RGS7: variants seen among roughly 807,000 people sequenced by gnomAD.
RGS7 encodes the protein regulator of G protein signaling 7.
Under a neutral mutation model 81.1 loss-of-function variants are expected in RGS7, and 27 were observed. That is an observed-to-expected ratio of 0.33 (90% CI 0.25 to 0.46). The LOEUF is 0.46. Among genes scored for constraint, RGS7 ranks in the 20% least tolerant of loss-of-function variants. The probability of loss-of-function intolerance (pLI) is 1.00; values close to 1 mark genes in which losing one functional copy is unlikely to be tolerated. For missense variants in RGS7, 396 were observed against 607.4 expected (o/e 0.65, Z 3.66); for synonymous variants, 208 against 207.7 (o/e 1.00, Z -0.01).
chr1:241,062,705 C>T (rs1199109818), intron 3 of RGS7, among the ~76,000 whole-genome samples: 1 of 152,072 alleles, frequency 6.6e-6, no homozygotes, highest in Non-Finnish European at 1.5e-5. Context: ...TCTTTGCTTC[C>T]CTATAAATAC....
At chr1:240,786,183 A>C (rs1685033200) in intron 18 of RGS7, among the ~76,000 whole-genome samples, 1 of 152,198 alleles carries the variant, frequency 6.6e-6, no homozygotes, top group Non-Finnish European at 1.5e-5. Flanking sequence ...AAATGAAGAA[A>C]ACATAGAAAA....
At chr1:241,030,427 T>C (rs2060026051) in intron 3 of RGS7, among the ~76,000 whole-genome samples, 1 of 138,460 alleles carries the variant, frequency 7.2e-6, no homozygotes, top group African/African-American at 2.7e-5. Context: ...TTATAAAATA[T>C]ATAAATATAT....
chr1:241,014,286 T>G (rs1354472874), intron 3 of RGS7, among the ~76,000 whole-genome samples: 2 of 152,320 alleles, frequency 1.3e-5, no homozygotes, highest in South Asian at 2.1e-4. Context: ...AATCATCTCC[T>G]TCATTGGATG....
intron 4 of RGS7, among the ~76,000 whole-genome samples, chr1:240,959,914 C>A (rs1333200874): frequency 1.3e-5 from 2 of 152,132 alleles, no homozygotes; most frequent in African/African-American, 4.8e-5. Flanking sequence ...AATCCCAGCA[C>A]TTTGGGAGGC....
chr1:241,071,245 T>C (rs1294097381), intron 3 of RGS7, among the ~76,000 whole-genome samples: 1 of 152,194 alleles, frequency 6.6e-6, no homozygotes, highest in Admixed American at 6.5e-5. Context: ...CTGGGTATTT[T>C]GGGATTCATG....
At chr1:241,183,821 G>A (rs1448920648) in intron 2 of RGS7, among the ~76,000 whole-genome samples, 2 of 152,130 alleles carry the variant, frequency 1.3e-5, no homozygotes, top group African/African-American at 2.4e-5. Context: ...GGAGAGAGGG[G>A]TATTCCCTCT....
chr1:241,354,009 C>T (rs1363222778), intron 2 of RGS7, among the ~76,000 whole-genome samples: 1 of 152,038 alleles, frequency 6.6e-6, no homozygotes, highest in Admixed American at 6.5e-5. Context: ...TATTAGGTGT[C>T]CAATCTACTC....
In RGS7 at chr1:241,337,620, C is replaced by T. The variant is rs566164820; in HGVS notation, c.78+18079G>A. ...CCTCTTGGCTCCATCTCACTAAATG[C>T]ACGGTTTCCAAAGTATTTATTGCAC... On this transcript the variant is annotated intron_variant, in intron 2 of 18. Transcript: ENST00000440928. 5.3e-5 allele frequency among the ~76,000 whole-genome samples: 8 copies of T among 152,256 alleles called. No homozygotes were observed. In the South Asian group the frequency reaches 1.4e-3, roughly 28 times the overall value.
At chr1:241,213,228 C>G (rs1029948119) in intron 2 of RGS7, among the ~76,000 whole-genome samples, 1 of 152,090 alleles carries the variant, frequency 6.6e-6, no homozygotes, top group Non-Finnish European at 1.5e-5. Flanking sequence ...CATGACTGAC[C>G]GTAAATCTCA....
intron 3 of RGS7, among the ~76,000 whole-genome samples, chr1:241,097,002 T>C (rs2064300913): frequency 6.6e-6 from 1 of 152,042 alleles, no homozygotes; most frequent in Non-Finnish European, 1.5e-5. Context: ...ATATGCGTGT[T>C]TAGATGTGGA....
chr1:241,084,470 G>C (rs1487284827), intron 3 of RGS7, among the ~76,000 whole-genome samples: 1 of 152,102 alleles, frequency 6.6e-6, no homozygotes, highest in African/African-American at 2.4e-5. Context: ...ACTAATTAGG[G>C]CTTCCTTTGT....
intron 17 of RGS7, 55 bp from the exon 18 acceptor site, chr1:240,800,776 G>T (rs1293388622): frequency 9.4e-7 from 1 of 1,067,268 alleles, no homozygotes; most frequent in Non-Finnish European, 1.4e-6. Context: ...ATGTCAGAAA[G>T]TTCCAAAGGC....
intron 2 of RGS7, among the ~76,000 whole-genome samples, chr1:241,343,457 C>A (rs2082698904): frequency 6.6e-6 from 1 of 152,026 alleles, no homozygotes; most frequent in African/African-American, 2.4e-5. Flanking sequence ...AAACAAAATG[C>A]AGTAAATACA....
chr1:241,195,381 C>T (rs1384128941), intron 2 of RGS7, among the ~76,000 whole-genome samples: 5 of 152,038 alleles, frequency 3.3e-5, no homozygotes, highest in Admixed American at 2.0e-4. Flanking sequence ...GAAGCTGAGG[C>T]AGAAGAATCA....
intron 2 of RGS7, among the ~76,000 whole-genome samples, chr1:241,320,770 TTA>T (rs1371059317): frequency 6.6e-6 from 1 of 152,206 alleles, no homozygotes; most frequent in Non-Finnish European, 1.5e-5. Flanking sequence ...TGCAGTAGTG[TTA>T]TTAAGTGCAG....
intron 6 of RGS7, among the ~76,000 whole-genome samples, chr1:240,873,244 T>C (rs1664806843): frequency 1.3e-5 from 2 of 152,162 alleles, no homozygotes; most frequent in South Asian, 4.1e-4. Flanking sequence ...ACCCCGAATA[T>C]TTCCTGCTGT....
In RGS7 at chr1:241,302,094, G is replaced by A. The variant is rs114848250; in HGVS notation, c.78+53605C>T. On this transcript the variant is annotated intron_variant, in intron 2 of 18. Transcript: ENST00000440928. ...TGAGCAAAGACTTGAAGAAAGTGAG[G>A]AAGTAATATTCATGGTTTATCTGGG... Among the ~76,000 whole-genome samples the A allele has an allele frequency of 4.9e-3, 752 of 152,276 alleles. 5 individuals are homozygous for A. The highest frequency in any genetic ancestry group is 0.017 in the Middle Eastern group (5 of 294).
At chr1:241,245,294 T>G (rs2076464439) in intron 2 of RGS7, among the ~76,000 whole-genome samples, 1 of 152,020 alleles carries the variant, frequency 6.6e-6, no homozygotes, top group Admixed American at 6.6e-5. Context: ...TGCTGTCTTA[T>G]GACAGAGTTC....
At chr1:241,239,682 C>T (rs892922586) in intron 2 of RGS7, among the ~76,000 whole-genome samples, 3 of 152,132 alleles carry the variant, frequency 2.0e-5, no homozygotes, top group African/African-American at 7.2e-5. Flanking sequence ...CCGTGGTTCT[C>T]AAGGTTCTCA....
Sources: allele counts gnomAD v4.1 joint callset (sites outside exome capture counted in the v4.1 genomes callset), GRCh38; gene constraint gnomAD v4.1.1; transcripts MANE v1.5; gene names NCBI Gene and HGNC (gene_info 2026-07-23, HGNC 2026-07-21).